The following RANBP2 variants were observed in gnomAD, a reference collection of about 807,000 sequenced individuals.
The protein encoded by RANBP2 is E3 SUMO-protein ligase RanBP2.
RANBP2 carries 57 observed loss-of-function variants against 303.6 expected under a neutral mutation model. The ratio of observed to expected loss-of-function variants is 0.19; its 90% CI spans 0.15 to 0.23. The LOEUF (loss-of-function observed/expected upper bound fraction) is 0.23, where lower values mean the gene tolerates loss of function less well. RANBP2 is among the 10% of genes least tolerant of loss of function. The pLI is 1.00. For missense variants in RANBP2, 3,138 were observed against 3,780.8 expected (o/e 0.83, Z 4.46); for synonymous variants, 1,167 against 1,301.5 (o/e 0.90, Z 2.23).
At chr2:109,108,185 A>G in the RANBP2 span, among the ~76,000 whole-genome samples, 1 of 151,576 alleles carries the variant, frequency 6.6e-6, no homozygotes, top group Non-Finnish European at 1.5e-5. Context: ...GATTACAGGC[A>G]TGAGCCAGGA....
At chr2:109,659,326 G>T in the RANBP2 span, among the ~76,000 whole-genome samples, 61 of 152,030 alleles carry the variant, frequency 4.0e-4, 3 homozygotes, top group Non-Finnish European at 7.3e-5. Flanking sequence ...AGTGAGCCAA[G>T]ATCACGCCAT....
At chr2:108,775,676 C>T in intron 23 of RANBP2, 56 bp from the exon 24 acceptor site, 1 of 1,564,650 alleles carries the variant, frequency 6.4e-7, no homozygotes, top group Non-Finnish European at 8.8e-7. Context: ...ATTATATAAT[C>T]TGTTTTGTAA....
chr2:108,766,435 C>A lies in RANBP2; in HGVS notation c.5896C>A (p.Pro1966Thr). 1 of 1,611,778 alleles carries A rather than the reference C, an allele frequency of 6.2e-7. No individual in the cohort carries two copies. Among genetic ancestry groups the A allele is most frequent in the Non-Finnish European group, 8.5e-7 (1 of 1,179,806 alleles). The change falls in exon 20 of 29, where the codon CCC becomes ACC. Residue 1966 changes from proline (P) to threonine (T), a missense_variant. Physicochemically the swap from Pro to Thr is conservative, Grantham distance 38 (BLOSUM62 -1). Coordinates refer to ENST00000283195, the MANE Select transcript of RANBP2 (RefSeq NM_006267.5). ...AGGATTTCAGTTTGGCAAAAAAGACCCCAATTTCAAGGGATTTTCAGGTGC... is the reference window on the plus strand; with the variant it reads ...AGGATTTCAGTTTGGCAAAAAAGACACCAATTTCAAGGGATTTTCAGGTGC... ...GEGFQFGKKD[P>T]NFKGFSGAGE...
At chr2:109,129,840 G>T in the RANBP2 span, 1 of 1,532,678 alleles carries the variant, frequency 6.5e-7, no homozygotes, top group South Asian at 1.2e-5. Flanking sequence ...GCCGCATCCT[G>T]GTGGGCTGCG....
At chr2:109,146,897 C>T in the RANBP2 span, among the ~76,000 whole-genome samples, 4 of 85,874 alleles carry the variant, frequency 4.7e-5, no homozygotes, top group African/African-American at 1.3e-4. Flanking sequence ...CCCCCCCCCC[C>T]CCCCGCCCCA....
At chr2:109,303,694 T>C in the RANBP2 span, among the ~76,000 whole-genome samples, 2 of 152,218 alleles carry the variant, frequency 1.3e-5, 1 homozygote, top group South Asian at 4.1e-4. Flanking sequence ...GCTTGGTATT[T>C]TAGTTTTTTA....
At chr2:109,719,490 T>G in the RANBP2 span, among the ~76,000 whole-genome samples, 5 of 149,756 alleles carry the variant, frequency 3.3e-5, no homozygotes, top group African/African-American at 1.2e-4. Context: ...CACTGCAACC[T>G]CTGGCTCCCC....
chr2:108,885,698 A>T, the RANBP2 span, among the ~76,000 whole-genome samples: 1 of 151,984 alleles, frequency 6.6e-6, no homozygotes, highest in Non-Finnish European at 1.5e-5. Flanking sequence ...TGAACATTGA[A>T]TTTTTTCCTT....
At chr2:109,266,178 CGTGCATGTGTGTGTTGTGTGTTGT>C in the RANBP2 span, among the ~76,000 whole-genome samples, 2 of 143,052 alleles carry the variant, frequency 1.4e-5, no homozygotes, top group South Asian at 4.6e-4. Context: ...GTGTGTTGTG[CGTGCATGTGTGTGTTGTGTGTTGT>C]GTGCATATGT....
chr2:109,471,206 CAAAAAAA>C, the RANBP2 span, among the ~76,000 whole-genome samples: 2,224 of 40,172 alleles, frequency 0.055, 65 homozygotes, highest in African/African-American at 0.13. Flanking sequence ...GACTCTGTCT[CAAAAAAA>C]AAAAAAAAAA....
chr2:108,788,618 G>A (rs994413340), downstream of RANBP2, among the ~76,000 whole-genome samples: 1 of 151,858 alleles, frequency 6.6e-6, no homozygotes. Flanking sequence ...TACTCAGGAG[G>A]CTGAGGCAGG....
chr2:109,730,776 CTTTTT>C, the RANBP2 span, among the ~76,000 whole-genome samples: 3 of 79,410 alleles, frequency 3.8e-5, no homozygotes, highest in Non-Finnish European at 7.6e-5. Context: ...CTCTCTCTCT[CTTTTT>C]TTTTTTTTTT....
chr2:109,130,218 C>T, the RANBP2 span: 9 of 1,082,428 alleles, frequency 8.3e-6, no homozygotes, highest in Admixed American at 4.3e-5. Flanking sequence ...CACGGGTGGT[C>T]CTGCGTTGGC....
chr2:109,390,497 G>A, the RANBP2 span, among the ~76,000 whole-genome samples: 2 of 151,250 alleles, frequency 1.3e-5, no homozygotes, highest in Non-Finnish European at 1.5e-5. Flanking sequence ...AAATGACAAT[G>A]TAGATTGCCA....
At chr2:109,397,194 G>A in the RANBP2 span, among the ~76,000 whole-genome samples, 2 of 152,216 alleles carry the variant, frequency 1.3e-5, no homozygotes, top group South Asian at 4.1e-4. Flanking sequence ...GTTTCCGCTT[G>A]GTGAGGAGAA....
the RANBP2 span, among the ~76,000 whole-genome samples, chr2:109,282,178 T>G: frequency 6.6e-6 from 1 of 152,118 alleles, no homozygotes; most frequent in African/African-American, 2.4e-5. Flanking sequence ...GCTATTTTTC[T>G]TTTTATCTTG....
chr2:108,976,346 A>T, the RANBP2 span, among the ~76,000 whole-genome samples: 1 of 152,308 alleles, frequency 6.6e-6, no homozygotes, highest in East Asian at 1.9e-4. Context: ...TGAGAGGAAG[A>T]CCACAGAGGC....
At chr2:108,791,880 T>C in the RANBP2 span, 1 of 1,366,444 alleles carries the variant, frequency 7.3e-7, no homozygotes, top group Non-Finnish European at 9.8e-7. Context: ...CTCCTAGTAA[T>C]AACACTGGCC....
chr2:109,334,442 G>T, the RANBP2 span, among the ~76,000 whole-genome samples: 1 of 151,938 alleles, frequency 6.6e-6, no homozygotes. Flanking sequence ...CAGCCTTGTG[G>T]GTGTCTTGGC....
Sources: gnomAD v4.1 joint callset for allele counts (sites outside exome capture counted in the v4.1 genomes callset) on GRCh38, gnomAD v4.1.1 for gene constraint, MANE v1.5 for transcripts, NCBI Gene and HGNC (gene_info 2026-07-23, HGNC 2026-07-21) for gene names.